The following RGMA variants were observed in gnomAD, a reference collection of about 807,000 sequenced individuals.
RGMA encodes the protein repulsive guidance molecule BMP co-receptor a, also known as repulsive guidance molecule A.
In RGMA, 10 loss-of-function variants were observed where a neutral mutation model predicts 23.2. The observed-to-expected ratio is 0.43, with a 90% CI of 0.27 to 0.73. The LOEUF (loss-of-function observed/expected upper bound fraction) is 0.73. Ranked by LOEUF, RGMA falls within the 30% of genes least tolerant of loss-of-function variation. The pLI, the probability that RGMA is intolerant of heterozygous loss-of-function variation, is 0.20. For missense variants in RGMA, 547 were observed against 630.5 expected (o/e 0.87, Z 1.42); for synonymous variants, 308 against 279.3 (o/e 1.10, Z -1.03).
intron 2 of RGMA, among the ~76,000 whole-genome samples, chr15:93,069,071 G>A (rs1051494975): frequency 2.0e-5 from 3 of 152,024 alleles, no homozygotes; most frequent in Admixed American, 6.6e-5. Context: ...TACTGGGAGA[G>A]CAATAGTGTG....
chr15:93,067,954 C>A (rs1186424448), intron 2 of RGMA, among the ~76,000 whole-genome samples: 3 of 152,066 alleles, frequency 2.0e-5, no homozygotes, highest in Non-Finnish European at 4.4e-5. Flanking sequence ...GGAGGAAGGA[C>A]CCATGGCCCC....
Position 93,044,148 on chromosome 15 carries a change from T to G in RGMA, c.*850A>C, listed in dbSNP as rs1024414982. 6.6e-6 allele frequency: 1 copy of G among 152,226 alleles called. No homozygotes were observed. 9.4% of individuals were successfully genotyped at this position (152,226 alleles called of 1,614,324 possible). A position where few individuals can be genotyped will look rare whatever the true frequency, so the allele number is the denominator to read the frequency against. ...AGGCCAGCTGGCCCCATCCACTGGG[T>G]CTCCTGCCACACCCTGGGGCCCAGG... On this transcript the variant is annotated 3_prime_UTR_variant, in exon 4 of 4. Coordinates refer to ENST00000329082, the MANE Select transcript of RGMA (RefSeq NM_020211.3).
At chr15:93,056,398 GCCT>G (rs1567184619) in intron 2 of RGMA, among the ~76,000 whole-genome samples, 1 of 151,826 alleles carries the variant, frequency 6.6e-6, no homozygotes, top group African/African-American at 2.4e-5. Context: ...GCTAAGAAGC[GCCT>G]GAGACGAGGC....
intron 3 of RGMA, among the ~76,000 whole-genome samples, chr15:93,049,986 CT>C (rs1242493510): frequency 6.6e-6 from 1 of 152,228 alleles, no homozygotes; most frequent in African/African-American, 2.4e-5. Context: ...CACCAGGCTG[CT>C]CTCCCACTCC....
At chr15:93,073,209 C>CGGTTCTCCGCCA in intron 1 of RGMA, 178 bp from the exon 2 acceptor site, 1 of 1,176,628 alleles carries the variant, frequency 8.5e-7, no homozygotes, top group Non-Finnish European at 1.1e-6. Context: ...ATCCATCACT[C>CGGTTCTCCGCCA]GGTTCTCCGC....
At chr15:93,059,995 T>C (rs2055076578) in intron 2 of RGMA, among the ~76,000 whole-genome samples, 2 of 152,202 alleles carry the variant, frequency 1.3e-5, no homozygotes, top group Admixed American at 1.3e-4. Context: ...GCAAGCTGCG[T>C]TGAACACAGA....
In RGMA at chr15:93,044,975, C is replaced by T. The variant is rs766411140; in HGVS notation, c.*23G>A. 18 of 1,525,014 alleles carry T rather than the reference C, an allele frequency of 1.2e-5. No individual in the cohort carries two copies. Among genetic ancestry groups the T allele is most frequent in the East Asian group, 4.6e-5 (2 of 43,072 alleles). The allele number at this position is 1,525,014 out of a possible 1,614,324, so 94.5% of individuals were successfully genotyped here. Reference sequence around the variant, plus strand: ...GGGGAAGCCGAGAGGACGGAGCCCGCGCCTCCCTCCACATCTACGCGTCTA... The same window carrying T: ...GGGGAAGCCGAGAGGACGGAGCCCGTGCCTCCCTCCACATCTACGCGTCTA... On this transcript the variant is annotated 3_prime_UTR_variant, in exon 4 of 4. Coordinates refer to ENST00000329082, the MANE Select transcript of RGMA (RefSeq NM_020211.3).
At chr15:93,084,246 A>T (rs1895602345) in intron 1 of RGMA, among the ~76,000 whole-genome samples, 1 of 152,212 alleles carries the variant, frequency 6.6e-6, no homozygotes, top group South Asian at 2.1e-4. Flanking sequence ...CACACTGGCA[A>T]CACATTTCTA....
rs373680871 is a variant in RGMA at position 93,045,211 on chromosome 15, G to A, written c.1140C>T (p.Phe380=). ...VEDLYYQACV[F]DLLTTGDVNF... ...TCACGTCGCCCGTGGTGAGGAGGTCGAAGACGCAGGCCTGGTAGTACAGGT... is the reference window on the plus strand; with the variant it reads ...TCACGTCGCCCGTGGTGAGGAGGTCAAAGACGCAGGCCTGGTAGTACAGGT... The change falls in exon 4 of 4, where the codon TTC becomes TTT. Residue 380 remains phenylalanine (F), a synonymous_variant. Coordinates refer to ENST00000329082, the MANE Select transcript of RGMA (RefSeq NM_020211.3). This position sits in a 1 kb window ranked among gnomAD's most constrained non-coding sequence, Gnocchi z 6.9. 4.2e-5 allele frequency: 67 copies of A among 1,611,744 alleles called. 1 individual carries two copies. The African/African-American group carries it at 5.9e-4, about 14-fold the overall frequency.
rs1228400658 is a variant in RGMA at position 93,042,517 on chromosome 15, G to C, written c.*2481C>G. 1.3e-5 allele frequency: 2 copies of C among 153,144 alleles called. No individual in the cohort carries two copies. The highest frequency in any genetic ancestry group is 4.8e-5 in the African/African-American group (2 of 41,476). The allele number at this position is 153,144 out of a possible 1,614,324, so 9.5% of individuals were successfully genotyped here. ...AGAGAGGTGAAGTGACTTGCCCATG[G>C]TCACACTGCTGGGGAGGTGGAGAAG... On this transcript the variant is annotated 3_prime_UTR_variant, in exon 4 of 4. Transcript: ENST00000329082.
rs1178389064 is a variant in RGMA at position 93,038,566 on chromosome 15, G to GTTTTTTTTTTTTTTTTTT, written c.*6431_*6432insAAAAAAAAAAAAAAAAAA. The GTTTTTTTTTTTTTTTTTT allele has an allele frequency of 9.5e-5, 8 of 84,484 alleles. No homozygotes were observed. The highest frequency in any genetic ancestry group is 3.4e-4 in the African/African-American group (8 of 23,672). The allele number at this position is 84,484 out of a possible 1,614,324, so 5.2% of individuals were successfully genotyped here. On this transcript the variant is annotated 3_prime_UTR_variant, in exon 4 of 4. Transcript: ENST00000329082. ...ATTGCCTTAATGAACGAAACTGTTA[G>GTTTTTTTTTTTTTTTTTT]TTGTTTTTTTTTTTTTTTTGAGACG... is the stretch of plus-strand genomic sequence containing the variant.
chr15:93,087,960 CTACTTT>C (rs979608676), intron 1 of RGMA, among the ~76,000 whole-genome samples: 2 of 152,120 alleles, frequency 1.3e-5, no homozygotes, highest in Non-Finnish European at 2.9e-5. Context: ...GTGCGGGAGA[CTACTTT>C]GAGAACACCC....
Position 93,052,281 on chromosome 15 carries a change from G to A in RGMA, c.357C>T (p.Gly119=). ...LMSQHNCSKD[G]PTSQPRLRTL... Reference sequence around the variant, plus strand: ...TGCGCAGGCGTGGCTGCGAGGTGGGGCCATCCTTGGAGCAGTTGTGCTGGC... The same window carrying A: ...TGCGCAGGCGTGGCTGCGAGGTGGGACCATCCTTGGAGCAGTTGTGCTGGC... Residue 119 remains glycine (G), a synonymous_variant, in exon 3 of 4, where the codon GGC becomes GGT. Transcript: ENST00000329082. 2 of 1,602,562 alleles carry A rather than the reference G, an allele frequency of 1.2e-6. No individual in the cohort carries two copies. Among genetic ancestry groups the A allele is most frequent in the Non-Finnish European group, 8.5e-7 (1 of 1,174,808 alleles).
rs2054653213 is a variant in RGMA, at chr15:93,035,715, G to A, written c.*9283C>T. Reference sequence around the variant, plus strand: ...CTGAGGAGAGATGGGTCAAGGCGGGGATCATTGTCAGAACTCAGATTCTAG... The same window carrying A: ...CTGAGGAGAGATGGGTCAAGGCGGGAATCATTGTCAGAACTCAGATTCTAG... On this transcript the variant is annotated 3_prime_UTR_variant, in exon 4 of 4. Transcript: ENST00000329082. 6.6e-6 allele frequency: 1 copy of A among 152,284 alleles called. No individual in the cohort carries two copies. The highest frequency in any genetic ancestry group is 2.4e-5 in the African/African-American group (1 of 41,460). 9.4% of individuals were successfully genotyped at this position (152,284 alleles called of 1,614,324 possible). A position where few individuals can be genotyped will look rare whatever the true frequency, so the allele number is the denominator to read the frequency against.
At chr15:93,064,252 T>C (rs954758300) in intron 2 of RGMA, among the ~76,000 whole-genome samples, 3 of 152,222 alleles carry the variant, frequency 2.0e-5, no homozygotes, top group Admixed American at 2.0e-4. Flanking sequence ...CACCATCCTG[T>C]CTCAGGGCAG....
At chr15:93,047,750 G>T (rs1473571466) in intron 3 of RGMA, among the ~76,000 whole-genome samples, 1 of 152,246 alleles carries the variant, frequency 6.6e-6, no homozygotes, top group Non-Finnish European at 1.5e-5. Context: ...GGAGGCATGA[G>T]GACTGCCTGC....
At chr15:93,048,229 G>T (rs944620678) in intron 3 of RGMA, among the ~76,000 whole-genome samples, 5 of 152,190 alleles carry the variant, frequency 3.3e-5, no homozygotes, top group Admixed American at 6.5e-5. Flanking sequence ...GATGAGGTGG[G>T]GAGAACTGGT....
At position 93,038,675 on chromosome 15, in the gene RGMA, C is replaced by T. The variant is rs924056548; in HGVS notation, c.*6323G>A. On this transcript the variant is annotated 3_prime_UTR_variant, in exon 4 of 4. Transcript: ENST00000329082. Reference sequence around the variant, plus strand: ...CTGCAAGTTCTGCCTCCCGGGTTCACGCCACTCTCTTGCCTCAGCCTCCCG... The same window carrying T: ...CTGCAAGTTCTGCCTCCCGGGTTCATGCCACTCTCTTGCCTCAGCCTCCCG... The T allele has an allele frequency of 1.1e-4, 17 of 150,282 alleles. No individual in the cohort carries two copies. Among genetic ancestry groups the T allele is most frequent in the African/African-American group, 3.9e-4 (16 of 40,874 alleles). The allele number at this position is 150,282 out of a possible 1,614,324, so 9.3% of individuals were successfully genotyped here.
intron 2 of RGMA, among the ~76,000 whole-genome samples, chr15:93,064,753 T>C (rs1401347208): frequency 6.6e-6 from 1 of 152,192 alleles, no homozygotes; most frequent in Non-Finnish European, 1.5e-5. Context: ...CTTGGGAACA[T>C]GTGCACAATG....
Sources: allele counts gnomAD v4.1 joint callset (sites outside exome capture counted in the v4.1 genomes callset), GRCh38; gene constraint gnomAD v4.1.1; non-coding constraint Gnocchi (gnomAD v3.1); transcripts MANE v1.5; gene names NCBI Gene and HGNC (gene_info 2026-07-23, HGNC 2026-07-21).